UCP1: variants seen among roughly 807,000 people sequenced by gnomAD.
UCP1 encodes mitochondrial brown fat uncoupling protein 1.
UCP1 carries 24 observed loss-of-function variants against 26.2 expected under a neutral mutation model. That is an observed-to-expected ratio of 0.92 (90% confidence interval 0.66 to 1.29). The LOEUF is 1.29. Among genes scored for constraint, UCP1 ranks in the 50% most tolerant of loss-of-function variants. The probability of loss-of-function intolerance (pLI) is 0.00; values close to 1 mark genes in which losing one functional copy is unlikely to be tolerated. For missense variants in UCP1, 402 were observed against 388.7 expected (o/e 1.03, Z -0.29); for synonymous variants, 164 against 156.8 (o/e 1.05, Z -0.34).
chr4:140,563,399 C>T lies in UCP1; in HGVS notation c.445G>A (p.Gly149Arg), dbSNP rs757653639. The T allele has an allele frequency of 1.7e-5, 27 of 1,613,902 alleles. No homozygotes were observed. The highest frequency in any genetic ancestry group is 8.3e-5 in the Admixed American group (5 of 59,976). ...VRLQAQSHLHGIKPRYTGTYN... is the reference protein window; with the variant it reads ...VRLQAQSHLHRIKPRYTGTYN... The stretch of plus-strand genomic sequence containing the variant: ...GTCCCCGTGTAGCGAGGTTTGATTC[C>T]GTGGAGATGGCTCTGTGCTTGAAGT... Residue 149 changes from glycine (G) to arginine (R), a missense_variant, in exon 3 of 6, where the codon GGA becomes AGA. Coordinates refer to ENST00000262999, the MANE Select transcript of UCP1 (RefSeq NM_021833.5).
Position 140,563,139 on chromosome 4 carries a change from T to A in UCP1, c.599A>T (p.Glu200Val), listed in dbSNP as rs374430087. The A allele has an allele frequency of 6.2e-7, 1 of 1,613,698 alleles. No individual in the cohort carries two copies. Residue 200 changes from glutamate (E) to valine (V), a missense_variant, in exon 4 of 6, where the codon GAG becomes GTG. Physicochemically the swap from Glu to Val is moderately radical, Grantham distance 121 (BLOSUM62 -2). Transcript: ENST00000262999. ...TAATATGTTGTTTTTCACAAAGGCC[T>A]CCTTCATTAGATCATATGTTACTAG... ...TELVTYDLMK[E>V]AFVKNNILAD...
chr4:140,560,092 G>T lies in UCP1; in HGVS notation c.810-82C>A, dbSNP rs117949489. 1.0e-5 allele frequency: 12 copies of T among 1,175,396 alleles called. No homozygotes were observed. In the South Asian group the frequency reaches 1.0e-4, roughly 10 times the overall value. The allele number at this position is 1,175,396 out of a possible 1,614,324, so 72.8% of individuals were successfully genotyped here. A position where few individuals can be genotyped will look rare whatever the true frequency, so the allele number is the denominator to read the frequency against. On this transcript the variant is annotated intron_variant, in intron 5 of 5. Transcript: ENST00000262999. The stretch of plus-strand genomic sequence containing the variant: ...TTTTGAGATGAGGCTTCACCCTGCC[G>T]CCCAGGCTGGAATGCAGTAGTGTAA...
intron 5 of UCP1, 94 bp downstream of exon 5, chr4:140,562,099 G>C: frequency 7.1e-7 from 1 of 1,412,674 alleles, no homozygotes; most frequent in South Asian, 1.2e-5. Flanking sequence ...ATATACTAAG[G>C]CTTGTAAGCT....
chr4:140,568,743 C>T lies in UCP1; in HGVS notation c.-14G>A, dbSNP rs770312889. On this transcript the variant is annotated 5_prime_UTR_variant, in exon 1 of 6. Coordinates refer to ENST00000262999, the MANE Select transcript of UCP1 (RefSeq NM_021833.5). Reference sequence around the variant, plus strand: ...CAGGCCCCCCATCTTCACTCAGAGACTGGAGATGCAGAGGAAAAGGGCTCC... The same window carrying T: ...CAGGCCCCCCATCTTCACTCAGAGATTGGAGATGCAGAGGAAAAGGGCTCC... 9.5e-6 allele frequency: 15 copies of T among 1,577,928 alleles called. No individual in the cohort carries two copies. Among genetic ancestry groups the T allele is most frequent in the Non-Finnish European group, 1.3e-5 (15 of 1,165,164 alleles).
In UCP1 at chr4:140,562,258, G is replaced by C. The variant is rs372823869; in HGVS notation, c.744C>G (p.Tyr248Ter). 20 of 1,613,966 alleles carry C rather than the reference G, an allele frequency of 1.2e-5. No homozygotes were observed. Among genetic ancestry groups the C allele is most frequent in the Non-Finnish European group, 1.6e-5 (19 of 1,179,994 alleles). The stretch of plus-strand genomic sequence containing the variant: ...TCATTGCACAGTTGGGCACACTTTT[G>C]TACTGTCCTGGTGGAGAATTAATAA... Reference protein sequence around the residue: ...TRFINSPPGQYKSVPNCAMKV... With the variant: ...TRFINSPPGQ The change falls in exon 5 of 6, where the codon TAC becomes TAG. Residue 248 changes from tyrosine (Y) to a stop codon, truncating the protein, a stop_gained. Transcript: ENST00000262999. LOFTEE classifies it high-confidence loss of function.
Position 140,563,390 on chromosome 4 carries a change from G to GGA in UCP1, c.453_454insTC (p.Pro152SerfsTer13), listed in dbSNP as rs771542760. On this transcript the variant is annotated frameshift_variant, in exon 3 of 6. Transcript: ENST00000262999. LOFTEE classifies it high-confidence loss of function. Reference sequence around the variant, plus strand: ...GCATTATAAGTCCCCGTGTAGCGAGGTTTGATTCCGTGGAGATGGCTCTGT... The same window carrying GGA: ...GCATTATAAGTCCCCGTGTAGCGAGGGATTTGATTCCGTGGAGATGGCTCTGT... The GGA allele has an allele frequency of 6.2e-7, 1 of 1,614,118 alleles. No individual in the cohort carries two copies. The highest frequency in any genetic ancestry group is 1.7e-5 in the Admixed American group (1 of 60,014).
At chr4:140,563,009 A>T in intron 4 of UCP1, 101 bp downstream of exon 4, 1 of 964,756 alleles carries the variant, frequency 1.0e-6, no homozygotes, top group Non-Finnish European at 1.6e-6. Context: ...TAAAAAGAGA[A>T]AACTATTGGA....
In UCP1 at chr4:140,562,224, T is replaced by A. The variant is rs776076414; in HGVS notation, c.778A>T (p.Thr260Ser). 2.0e-5 allele frequency: 32 copies of A among 1,614,198 alleles called. 2 individuals are homozygous for A. Among genetic ancestry groups the A allele is most frequent in the South Asian group, 1.8e-4 (16 of 91,090 alleles). The change falls in exon 5 of 6, where the codon ACT becomes TCT. Residue 260 changes from threonine to serine, a missense_variant. Thr to Ser is a moderately conservative substitution (Grantham distance 58). Coordinates refer to ENST00000262999, the MANE Select transcript of UCP1 (RefSeq NM_021833.5). The part of the protein sequence containing the change: ...SVPNCAMKVF[T>S]NEGPTAFFKG... Reference sequence around the variant, plus strand: ...AAGAAAGCCGTTGGTCCTTCGTTAGTGAACACTTTCATTGCACAGTTGGGC... The same window carrying A: ...AAGAAAGCCGTTGGTCCTTCGTTAGAGAACACTTTCATTGCACAGTTGGGC...
At chr4:140,561,040 T>C (rs1735666387) in intron 5 of UCP1, among the ~76,000 whole-genome samples, 1 of 152,216 alleles carries the variant, frequency 6.6e-6, no homozygotes, top group African/African-American at 2.4e-5. Flanking sequence ...TCATCCATGT[T>C]GTAGTATTTC....
At chr4:140,566,824 T>C (rs374739484) in intron 2 of UCP1, among the ~76,000 whole-genome samples, 1 of 152,320 alleles carries the variant, frequency 6.6e-6, no homozygotes, top group Admixed American at 6.5e-5. Context: ...GCTAACACTT[T>C]TTACTCACAG....
In UCP1 at chr4:140,559,842, T is replaced by C; in HGVS notation, c.*54A>G. 2 of 1,422,922 alleles carry C rather than the reference T, an allele frequency of 1.4e-6. No individual in the cohort carries two copies. The highest frequency in any genetic ancestry group is 2.0e-6 in the Non-Finnish European group (2 of 1,007,776). 88.1% of individuals were successfully genotyped at this position (1,422,922 alleles called of 1,614,324 possible). On this transcript the variant is annotated 3_prime_UTR_variant, in exon 6 of 6. Transcript: ENST00000262999. ...AGTGAATAAGTTTTGTTTGTTTTTA[T>C]GATCCAGTCAGCAAGATTCCCACTG...
chr4:140,564,731 T>C (rs1735759661), intron 2 of UCP1, among the ~76,000 whole-genome samples: 1 of 152,200 alleles, frequency 6.6e-6, no homozygotes, highest in Non-Finnish European at 1.5e-5. Context: ...ATGCCTTCAC[T>C]TTTAGCTCAC....
At chr4:140,560,063 T>A (rs543991038) in intron 5 of UCP1, 53 bp from the exon 6 acceptor site, 721 of 1,466,194 alleles carry the variant, frequency 4.9e-4, no homozygotes, top group African/African-American at 4.2e-3. Flanking sequence ...TTTTTTTTTT[T>A]AATTTTTGAG....
rs1248844200 is a variant in UCP1 at position 140,567,936 on chromosome 4, T to G, written c.168A>C (p.Lys56Asn). The change falls in exon 2 of 6, where the codon AAA becomes AAC. Residue 56 changes from lysine to asparagine, a missense_variant. By Grantham distance (94) the Lys-to-Asn change is moderately conservative (BLOSUM62 0). Transcript: ENST00000262999. ...ECPTSSVIRY[K>N]GVLGTITAVV... The stretch of plus-strand genomic sequence containing the variant: ...CAGCGGTGATTGTTCCCAGGACACC[T>G]TTATACCTAATAACACTGGACGTCG... 6.2e-7 allele frequency: 1 copy of G among 1,614,200 alleles called. No homozygotes were observed. The highest frequency in any genetic ancestry group is 2.2e-5 in the East Asian group (1 of 44,886).
intron 4 of UCP1, 93 bp from the exon 5 acceptor site, chr4:140,562,466 T>A: frequency 1.6e-6 from 2 of 1,279,804 alleles, no homozygotes; most frequent in Non-Finnish European, 2.2e-6. Flanking sequence ...TTGATAACAG[T>A]AGGTCAATGA....
intron 5 of UCP1, among the ~76,000 whole-genome samples, chr4:140,560,636 T>TAAA (rs1735655837): frequency 1.3e-5 from 2 of 152,150 alleles, no homozygotes; most frequent in Non-Finnish European, 2.9e-5. Context: ...ATTGTTACTG[T>TAAA]TTAAATGGCT....
intron 2 of UCP1, among the ~76,000 whole-genome samples, chr4:140,564,642 C>T (rs1735757947): frequency 1.3e-5 from 2 of 152,144 alleles, no homozygotes; most frequent in South Asian, 4.1e-4. Context: ...CATGATTGTA[C>T]TCTTCTCATC....
intron 2 of UCP1, among the ~76,000 whole-genome samples, chr4:140,567,023 G>A (rs1263161221): frequency 6.6e-6 from 1 of 152,156 alleles, no homozygotes; most frequent in Non-Finnish European, 1.5e-5. Flanking sequence ...CATCTGCCAA[G>A]GGATAATGGT....
chr4:140,562,741 A>G (rs559833044), intron 4 of UCP1, among the ~76,000 whole-genome samples: 4 of 152,160 alleles, frequency 2.6e-5, no homozygotes, highest in Non-Finnish European at 4.4e-5. Flanking sequence ...GGATGAGACC[A>G]CTGATAAGCT....
Sources: allele counts gnomAD v4.1 joint callset (sites outside exome capture counted in the v4.1 genomes callset), GRCh38; gene constraint gnomAD v4.1.1; transcripts MANE v1.5; gene names NCBI Gene and HGNC (gene_info 2026-07-23, HGNC 2026-07-21).